The following RIMS2 variants were observed in gnomAD, a reference collection of about 807,000 sequenced individuals.
The protein encoded by RIMS2 is regulating synaptic membrane exocytosis 2, also known as regulating synaptic membrane exocytosis protein 2.
Under a neutral mutation model 174.4 loss-of-function variants are expected in RIMS2, and 59 were observed. The ratio of observed to expected loss-of-function variants is 0.34; its 90% confidence interval spans 0.27 to 0.42. The LOEUF is 0.42. RIMS2 is among the 10% of genes least tolerant of loss of function. RIMS2 has a pLI of 1.00. For missense variants in RIMS2, 1,620 were observed against 1,666.3 expected (o/e 0.97, Z 0.48); for synonymous variants, 606 against 572.5 (o/e 1.06, Z -0.84).
intron 22 of RIMS2, among the ~76,000 whole-genome samples, chr8:104,250,602 A>T (rs1483042899): frequency 1.1e-5 from 1 of 88,320 alleles, no homozygotes; most frequent in East Asian, 4.2e-4. Flanking sequence ...TGTTATACCC[A>T]CACCACCACC....
At chr8:104,170,394 G>T (rs1352336118) in intron 19 of RIMS2, among the ~76,000 whole-genome samples, 2 of 151,986 alleles carry the variant, frequency 1.3e-5, no homozygotes, top group Admixed American at 1.3e-4. Flanking sequence ...TCTTCCTGTT[G>T]AACTAATCCA....
chr8:103,863,906 TTG>T (rs200769364), intron 3 of RIMS2, among the ~76,000 whole-genome samples: 43 of 120,976 alleles, frequency 3.6e-4, no homozygotes, highest in Middle Eastern at 4.0e-3. Context: ...TTTGTTTTTT[TTG>T]TTTGTTTGTT....
chr8:103,751,082 C>A (rs914400280), intron 2 of RIMS2, among the ~76,000 whole-genome samples: 1 of 152,114 alleles, frequency 6.6e-6, no homozygotes, highest in Non-Finnish European at 1.5e-5. Flanking sequence ...GGCCTTTCAC[C>A]TTCCACCAGG....
In RIMS2 at chr8:103,711,476, TC is replaced by T. The variant is rs2097302743; in HGVS notation, c.387+14181del. Among the ~76,000 whole-genome samples, 5 of 152,358 alleles carry T rather than the reference TC, an allele frequency of 3.3e-5. No individual in the cohort carries two copies. In the South Asian group the frequency reaches 1.0e-3, roughly 32 times the overall value. ...TTTTAATTTAAAAATGAAGTTGGACTCTTTTTGATAGAAAGCCAGATTTGAT... is the reference window on the plus strand; with the variant it reads ...TTTTAATTTAAAAATGAAGTTGGACTTTTTTGATAGAAAGCCAGATTTGAT... On this transcript the variant is annotated intron_variant, in intron 2 of 23. Transcript: ENST00000504942.
At chr8:103,864,736 C>G (rs780033696) in intron 3 of RIMS2, among the ~76,000 whole-genome samples, 1 of 152,058 alleles carries the variant, frequency 6.6e-6, no homozygotes, top group Non-Finnish European at 1.5e-5. Context: ...CTTATTCCCA[C>G]TAATAGATCA....
chr8:103,711,998 T>C (rs1032862473), intron 2 of RIMS2, among the ~76,000 whole-genome samples: 5 of 146,558 alleles, frequency 3.4e-5, no homozygotes, highest in Non-Finnish European at 7.6e-5. Flanking sequence ...TAGTTTTCAA[T>C]TTTTTTTTTT....
At chr8:104,225,383 C>T (rs1468666918) in intron 19 of RIMS2, among the ~76,000 whole-genome samples, 1 of 152,188 alleles carries the variant, frequency 6.6e-6, no homozygotes, top group Non-Finnish European at 1.5e-5. Flanking sequence ...GCTACATTCA[C>T]ATACATAGTA....
chr8:103,778,591 AT>A (rs1676390616), intron 3 of RIMS2, among the ~76,000 whole-genome samples: 1 of 152,146 alleles, frequency 6.6e-6, no homozygotes, highest in South Asian at 2.1e-4. Flanking sequence ...ACAGGATTTC[AT>A]TCTTTTTATG....
At chr8:103,983,948 C>T (rs1223102288) in intron 16 of RIMS2, among the ~76,000 whole-genome samples, 2 of 151,970 alleles carry the variant, frequency 1.3e-5, no homozygotes, top group African/African-American at 4.8e-5. Context: ...CCAAGGCGGG[C>T]GGATCACGAG....
chr8:103,611,808 C>G (rs539047228), intron 1 of RIMS2, among the ~76,000 whole-genome samples: 1 of 151,940 alleles, frequency 6.6e-6, no homozygotes, highest in African/African-American at 2.4e-5. Context: ...CTTGAATGCT[C>G]ATATCTTTCT....
At chr8:103,885,230 C>G in intron 3 of RIMS2, 68 bp from the exon 7 acceptor site, 1 of 1,468,418 alleles carries the variant, frequency 6.8e-7, no homozygotes, top group Non-Finnish European at 9.0e-7. Flanking sequence ...AACCTGCCAG[C>G]AAATCAATGA....
chr8:103,529,315 C>G (rs1835771150), intron 1 of RIMS2, among the ~76,000 whole-genome samples: 1 of 152,188 alleles, frequency 6.6e-6, no homozygotes, highest in Non-Finnish European at 1.5e-5. Context: ...CCTACTCAAG[C>G]CTCAGCAATG....
At chr8:103,502,143 T>G (rs1043050119) in intron 1 of RIMS2, among the ~76,000 whole-genome samples, 4 of 152,358 alleles carry the variant, frequency 2.6e-5, no homozygotes, top group African/African-American at 9.6e-5. Flanking sequence ...TTGCGTTTTG[T>G]CAAGTATACG....
chr8:103,819,414 T>A (rs878937865), intron 3 of RIMS2: 2 of 1,582,394 alleles, frequency 1.3e-6, no homozygotes, highest in African/African-American at 1.4e-5. Flanking sequence ...TGGAACTTGA[T>A]TGGCGTGTTT....
chr8:103,883,410 A>C (rs1252277217), intron 3 of RIMS2, among the ~76,000 whole-genome samples: 2 of 151,792 alleles, frequency 1.3e-5, no homozygotes, highest in African/African-American at 2.4e-5. Context: ...AAGTGAAATG[A>C]ATGATGCACA....
At chr8:103,902,743 C>G (rs776794009) in intron 4 of RIMS2, among the ~76,000 whole-genome samples, 64 of 152,106 alleles carry the variant, frequency 4.2e-4, no homozygotes, top group Non-Finnish European at 6.8e-4. Flanking sequence ...GAGAAATCTT[C>G]TGTGTTTCAA....
intron 16 of RIMS2, among the ~76,000 whole-genome samples, chr8:103,983,344 T>C (rs2094076740): frequency 6.6e-6 from 1 of 152,212 alleles, no homozygotes; most frequent in Non-Finnish European, 1.5e-5. Flanking sequence ...ACAGATTCAG[T>C]GCAATCCCTA....
chr8:103,793,155 C>T (rs2098516565), intron 3 of RIMS2, among the ~76,000 whole-genome samples: 1 of 152,110 alleles, frequency 6.6e-6, no homozygotes, highest in South Asian at 2.1e-4. Flanking sequence ...ACCAATATCC[C>T]TGATGAACAT....
chr8:104,146,675 A>C (rs2098642797), intron 19 of RIMS2, among the ~76,000 whole-genome samples: 1 of 152,120 alleles, frequency 6.6e-6, no homozygotes, highest in Admixed American at 6.5e-5. Flanking sequence ...GTGGTTCTTT[A>C]GAAGAGTATA....
Sources: allele counts gnomAD v4.1 joint callset (sites outside exome capture counted in the v4.1 genomes callset), GRCh38; gene constraint gnomAD v4.1.1; transcripts MANE v1.5; gene names NCBI Gene and HGNC (gene_info 2026-07-23, HGNC 2026-07-21).